The following RNFT2 variants were observed in gnomAD, a reference collection of about 807,000 sequenced individuals.
RNFT2 encodes E3 ubiquitin-protein ligase RNFT2.
RNFT2 carries 36 observed loss-of-function variants against 53.0 expected under a neutral mutation model. The observed-to-expected ratio is 0.68, with a 90% CI of 0.52 to 0.90. The LOEUF is 0.90. Among genes scored for constraint, RNFT2 ranks in the 40% least tolerant of loss-of-function variants. The probability of loss-of-function intolerance (pLI) is 0.00; values close to 1 mark genes in which losing one functional copy is unlikely to be tolerated. For missense variants in RNFT2, 514 were observed against 585.6 expected, an observed-to-expected ratio of 0.88 and a Z score of 1.26; for synonymous variants, 260 against 253.2, an observed-to-expected ratio of 1.03 and a Z score of -0.26.
chr12:116,773,858 A>G (rs1280302995), intron 6 of RNFT2, among the ~76,000 whole-genome samples: 1 of 152,198 alleles, frequency 6.6e-6, no homozygotes, highest in Non-Finnish European at 1.5e-5. Flanking sequence ...ATATTTTTAA[A>G]ATGATCATCA....
At chr12:116,834,921 C>T (rs1876883042) in intron 8 of RNFT2, among the ~76,000 whole-genome samples, 1 of 150,098 alleles carries the variant, frequency 6.7e-6, no homozygotes, top group Non-Finnish European at 1.5e-5. Context: ...GCAATCTTGG[C>T]TCATTGCAAC....
chr12:116,764,053 A>G (rs2137094966), intron 5 of RNFT2, among the ~76,000 whole-genome samples: 1 of 152,332 alleles, frequency 6.6e-6, no homozygotes, highest in South Asian at 2.1e-4. Flanking sequence ...ATTCGCAGCA[A>G]CCTGGATGGG....
chr12:116,757,031 A>G (rs1467195346), intron 5 of RNFT2, among the ~76,000 whole-genome samples: 1 of 152,028 alleles, frequency 6.6e-6, no homozygotes, highest in Non-Finnish European at 1.5e-5. Flanking sequence ...TAGGGTATCT[A>G]GTTCTTTCTG....
At chr12:116,777,866 C>T (rs959429108) in intron 6 of RNFT2, among the ~76,000 whole-genome samples, 1 of 152,130 alleles carries the variant, frequency 6.6e-6, no homozygotes, top group Non-Finnish European at 1.5e-5. Flanking sequence ...CAAGTCTGTC[C>T]GATACCAACG....
chr12:116,839,086 C>G (rs1220924153), intron 10 of RNFT2, among the ~76,000 whole-genome samples: 2 of 152,226 alleles, frequency 1.3e-5, no homozygotes, highest in Non-Finnish European at 2.9e-5. Context: ...CTCTGCTTCT[C>G]CAGACTAGTC....
At chr12:116,804,247 G>A (rs1241970577) in intron 7 of RNFT2, among the ~76,000 whole-genome samples, 2 of 152,288 alleles carry the variant, frequency 1.3e-5, no homozygotes, top group African/African-American at 2.4e-5. Context: ...GCTTCTCAAA[G>A]TGCAGTCCCT....
intron 7 of RNFT2, among the ~76,000 whole-genome samples, chr12:116,821,436 C>T (rs1378454448): frequency 5.9e-5 from 9 of 152,354 alleles, no homozygotes; most frequent in African/African-American, 1.9e-4. Flanking sequence ...GCTGGGTCTG[C>T]AGGACTCTGC....
At chr12:116,811,226 A>G (rs1319944019) in intron 7 of RNFT2, among the ~76,000 whole-genome samples, 1 of 152,052 alleles carries the variant, frequency 6.6e-6, no homozygotes, top group African/African-American at 2.4e-5. Context: ...CAACATAGAA[A>G]GACCCCCATT....
At chr12:116,815,760 G>T (rs1043607219) in intron 7 of RNFT2, among the ~76,000 whole-genome samples, 1 of 152,124 alleles carries the variant, frequency 6.6e-6, no homozygotes, top group Admixed American at 6.6e-5. Context: ...GACATCTTTG[G>T]GGCGGGGGCA....
chr12:116,810,311 G>T (rs1007587516), intron 7 of RNFT2, among the ~76,000 whole-genome samples: 1 of 152,136 alleles, frequency 6.6e-6, no homozygotes, highest in Non-Finnish European at 1.5e-5. Flanking sequence ...CCCAGGCATC[G>T]CAAAGCCACA....
chr12:116,769,406 G>A (rs1032349826), intron 6 of RNFT2, among the ~76,000 whole-genome samples: 2 of 152,164 alleles, frequency 1.3e-5, no homozygotes, highest in Admixed American at 6.5e-5. Flanking sequence ...CATTGCTATC[G>A]TAGGAGATTA....
At chr12:116,824,655 C>A (rs114885879) in intron 7 of RNFT2, among the ~76,000 whole-genome samples, 3 of 152,160 alleles carry the variant, frequency 2.0e-5, no homozygotes, top group Non-Finnish European at 2.9e-5. Context: ...CTACATGATG[C>A]TTATAATTGT....
At chr12:116,838,662 A>G (rs1592989399) in intron 10 of RNFT2, among the ~76,000 whole-genome samples, 1 of 152,206 alleles carries the variant, frequency 6.6e-6, no homozygotes, top group Non-Finnish European at 1.5e-5. Flanking sequence ...GCATCTTTTC[A>G]TATGCTTCAG....
chr12:116,752,842 C>T (rs904050941), intron 4 of RNFT2, among the ~76,000 whole-genome samples: 1 of 152,152 alleles, frequency 6.6e-6, no homozygotes, highest in African/African-American at 2.4e-5. Context: ...CGCACCACTG[C>T]ACTCCAGCCT....
At chr12:116,824,971 A>G (rs762429112) in intron 7 of RNFT2, among the ~76,000 whole-genome samples, 2 of 152,042 alleles carry the variant, frequency 1.3e-5, no homozygotes, top group Non-Finnish European at 2.9e-5. Context: ...TTTAATTCTC[A>G]CAATTTTGCA....
chr12:116,813,199 TCCAC>T (rs1197312989), intron 7 of RNFT2, among the ~76,000 whole-genome samples: 7 of 152,042 alleles, frequency 4.6e-5, no homozygotes, highest in African/African-American at 1.7e-4. Flanking sequence ...TCTCAAGCGA[TCCAC>T]CCACCTTGGC....
chr12:116,846,901 ATTTT>A (rs34273674), intron 10 of RNFT2, among the ~76,000 whole-genome samples: 262 of 112,330 alleles, frequency 2.3e-3, no homozygotes, highest in Admixed American at 5.7e-3. Flanking sequence ...CATGCCCAGG[ATTTT>A]TTTTTTTTTT....
At chr12:116,750,737 A>G (rs1872152593) in intron 4 of RNFT2, among the ~76,000 whole-genome samples, 1 of 146,958 alleles carries the variant, frequency 6.8e-6, no homozygotes, top group Non-Finnish European at 1.5e-5. Flanking sequence ...ATGGGATCAC[A>G]GTGATGTTAA....
Position 116,849,591 on chromosome 12 carries a change from CCT to C in RNFT2, c.*144_*145del, listed in dbSNP as rs1406950580. ...CCACCTCTGACCCCAAAGTCCCGCC[CCT>C]GTCTTGTCCTTCTGACCTTCATCTT... On this transcript the variant is annotated 3_prime_UTR_variant, in exon 11 of 11. Transcript: ENST00000257575. 7.1e-6 allele frequency: 10 copies of C among 1,410,474 alleles called. No individual in the cohort carries two copies. The highest frequency in any genetic ancestry group is 3.2e-5 in the South Asian group (2 of 63,474). The allele number at this position is 1,410,474 out of a possible 1,614,324, so 87.4% of individuals were successfully genotyped here.
Sources: allele counts gnomAD v4.1 joint callset (sites outside exome capture counted in the v4.1 genomes callset), GRCh38; gene constraint gnomAD v4.1.1; transcripts MANE v1.5; gene names NCBI Gene and HGNC (gene_info 2026-07-23, HGNC 2026-07-21).